OBI1: variants seen among roughly 807,000 people sequenced by gnomAD.
OBI1 encodes ring finger protein 219.
Under a neutral mutation model 62.4 loss-of-function variants are expected in OBI1, and 59 were observed. The ratio of observed to expected loss-of-function variants is 0.95; its 90% CI spans 0.77 to 1.17. The LOEUF (loss-of-function observed/expected upper bound fraction) is 1.17, where lower values mean the gene tolerates loss of function less well. Among genes scored for constraint, OBI1 ranks in the 50% most tolerant of loss-of-function variants. OBI1 has a pLI of 0.00. For missense variants in OBI1, 875 were observed against 830.9 expected (o/e 1.05, Z -0.65); for synonymous variants, 302 against 292.8 (o/e 1.03, Z -0.32).
intron 1 of OBI1, among the ~76,000 whole-genome samples, chr13:78,655,772 T>C (rs889719744): frequency 6.6e-6 from 1 of 152,136 alleles, no homozygotes; most frequent in Non-Finnish European, 1.5e-5. Context: ...AGAACAATTA[T>C]CTTTAAAAAA....
chr13:78,616,783 T>C lies in OBI1; in HGVS notation c.978A>G (p.Ala326=). Residue 326 remains alanine, a synonymous_variant, in exon 6 of 6, where the codon GCA becomes GCG. Transcript: ENST00000282003. The part of the protein sequence containing the change: ...SSSRLCDTSS[A]RQESTSKADL... ...CTGCTTTGCTGGTACTTTCCTGCCTTGCAGAACTGGTGTCACACAGTCTGC... is the reference window on the plus strand; with the variant it reads ...CTGCTTTGCTGGTACTTTCCTGCCTCGCAGAACTGGTGTCACACAGTCTGC... 1 of 1,614,240 alleles carries C rather than the reference T, an allele frequency of 6.2e-7. No individual in the cohort carries two copies. Among genetic ancestry groups the C allele is most frequent in the South Asian group, 1.1e-5 (1 of 91,084 alleles).
Position 78,638,939 on chromosome 13 carries a change from C to T in OBI1, c.433G>A (p.Val145Ile). 1 of 1,613,938 alleles carries T rather than the reference C, an allele frequency of 6.2e-7. No individual in the cohort carries two copies. Among genetic ancestry groups the T allele is most frequent in the Non-Finnish European group, 8.5e-7 (1 of 1,179,942 alleles). Residue 145 changes from valine to isoleucine, a missense_variant, in exon 4 of 6, where the codon GTC (valine) becomes ATC (isoleucine). By Grantham distance (29) the Val-to-Ile change is conservative. Coordinates refer to ENST00000282003, the MANE Select transcript of OBI1 (RefSeq NM_024546.4). ...TTAATTTTACTTGGATTATCTGTGA[C>T]TAGATGTTTGTCTTCATTTTGGTTG... ...QGNQNEDKHL[V>I]TDNPSKINPE...
chr13:78,638,115 G>A (rs1317725899), intron 4 of OBI1, among the ~76,000 whole-genome samples: 2 of 152,186 alleles, frequency 1.3e-5, no homozygotes, highest in Non-Finnish European at 2.9e-5. Flanking sequence ...TTGAACTCAA[G>A]CTAAAGGCTG....
At chr13:78,626,990 C>T (rs1354791976) in intron 5 of OBI1, among the ~76,000 whole-genome samples, 1 of 152,236 alleles carries the variant, frequency 6.6e-6, no homozygotes, top group Non-Finnish European at 1.5e-5. Flanking sequence ...AGCATGAACC[C>T]AGGGGGCGGA....
chr13:78,617,683 T>C (rs1001018937), intron 5 of OBI1, among the ~76,000 whole-genome samples: 6 of 152,202 alleles, frequency 3.9e-5, no homozygotes, highest in African/African-American at 1.2e-4. Context: ...CCACCCTTGA[T>C]CTGAAGCTTT....
At chr13:78,642,574 A>G (rs950055288) in intron 2 of OBI1, among the ~76,000 whole-genome samples, 8 of 152,240 alleles carry the variant, frequency 5.3e-5, no homozygotes, top group African/African-American at 1.9e-4. Flanking sequence ...TTTACATTTA[A>G]CCAAGAGATT....
chr13:78,637,229 TTGAG>T (rs1876057052), intron 4 of OBI1, among the ~76,000 whole-genome samples: 1 of 152,356 alleles, frequency 6.6e-6, no homozygotes, highest in Non-Finnish European at 1.5e-5. Context: ...TTTGATTATG[TTGAG>T]TATGTTATTA....
In OBI1 at chr13:78,632,286, C is replaced by T. The variant is rs944584098; in HGVS notation, c.638+2824G>A. 2.0e-5 allele frequency among the ~76,000 whole-genome samples: 3 copies of T among 152,082 alleles called. No homozygotes were observed. In the East Asian group the frequency reaches 5.8e-4, roughly 29 times the overall value. On this transcript the variant is annotated intron_variant, in intron 5 of 5. Transcript: ENST00000282003. ...CAGGAAGAGAACCCATATCACAACC[C>T]GACCCTGCCAAATTCTGATGTGGAA...
chr13:78,632,173 A>G (rs1875871667), intron 5 of OBI1, among the ~76,000 whole-genome samples: 1 of 152,100 alleles, frequency 6.6e-6, no homozygotes, highest in Admixed American at 6.6e-5. Context: ...TGAGGTCATT[A>G]GGTGTTCCTT....
chr13:78,616,993 C>G lies in OBI1; in HGVS notation c.768G>C (p.Gln256His), dbSNP rs754176940. ...CTTTCTCTTCACTTGAATTTTTTAGCTGTGCAACTTGAGATTCTAGTTCCT... is the reference window on the plus strand; with the variant it reads ...CTTTCTCTTCACTTGAATTTTTTAGGTGTGCAACTTGAGATTCTAGTTCCT... ...YIEELESQVA[Q>H]LKNSSEEKEA... Residue 256 changes from glutamine to histidine, a missense_variant, in exon 6 of 6, where the codon CAG (glutamine) becomes CAC (histidine). Physicochemically the swap from Gln to His is conservative, Grantham distance 24. Transcript: ENST00000282003. 2 of 1,614,156 alleles carry G rather than the reference C, an allele frequency of 1.2e-6. No homozygotes were observed. Among genetic ancestry groups the G allele is most frequent in the South Asian group, 2.2e-5 (2 of 91,088 alleles).
At chr13:78,638,793 C>T in intron 4 of OBI1, 30 bp downstream of exon 4, 1 of 1,574,136 alleles carries the variant, frequency 6.4e-7, no homozygotes, top group East Asian at 2.2e-5. Context: ...TAAAAACAAC[C>T]ATAATAGATT....
chr13:78,623,799 T>A (rs764400840), intron 5 of OBI1, among the ~76,000 whole-genome samples: 1 of 152,188 alleles, frequency 6.6e-6, no homozygotes, highest in Non-Finnish European at 1.5e-5. Flanking sequence ...GGAAGACATA[T>A]AGTATGTATG....
At position 78,635,204 on chromosome 13, in the gene OBI1, A is replaced by G; in HGVS notation, c.550-6T>C. On this transcript the variant is annotated splice_region_variant and splice_polypyrimidine_tract_variant and intron_variant, in intron 4 of 5. Transcript: ENST00000282003. The stretch of plus-strand genomic sequence containing the variant: ...AATTTCAATTTTTTATTTGCCTAAA[A>G]TAACAAATTGAAAATAAGTAAGCAA... The G allele has an allele frequency of 6.4e-7, 1 of 1,553,618 alleles. No homozygotes were observed. Among genetic ancestry groups the G allele is most frequent in the South Asian group, 1.1e-5 (1 of 87,452 alleles).
At chr13:78,634,572 C>T (rs1875963698) in intron 5 of OBI1, among the ~76,000 whole-genome samples, 1 of 152,162 alleles carries the variant, frequency 6.6e-6, no homozygotes, top group Non-Finnish European at 1.5e-5. Context: ...GCTGGGATTA[C>T]AAGCATGAGC....
rs965471267 is a variant in OBI1 at position 78,614,937 on chromosome 13, C to G, written c.*643G>C. 7 of 151,976 alleles carry G rather than the reference C, an allele frequency of 4.6e-5. No homozygotes were observed. The highest frequency in any genetic ancestry group is 1.7e-4 in the African/African-American group (7 of 41,370). 9.4% of individuals were successfully genotyped at this position (151,976 alleles called of 1,614,324 possible). A position where few individuals can be genotyped will look rare whatever the true frequency, so the allele number is the denominator to read the frequency against. On this transcript the variant is annotated 3_prime_UTR_variant, in exon 6 of 6. Coordinates refer to ENST00000282003, the MANE Select transcript of OBI1 (RefSeq NM_024546.4). ...AGCAGAACATTTTCACAAAACTGGA[C>G]AAAACACAATGCTAAAAAATGCAAA... is the stretch of plus-strand genomic sequence containing the variant.
chr13:78,615,975 G>A lies in OBI1; in HGVS notation c.1786C>T (p.Leu596=). Residue 596 remains leucine, a synonymous_variant, in exon 6 of 6, where the codon CTA becomes TTA. Transcript: ENST00000282003. ...CCATTTTCTAACTGATCATTAGTTA[G>A]AGAACCTTTGGAAAGGTTTAGCTCA... is the stretch of plus-strand genomic sequence containing the variant. ...KTELNLSKGS[L]TNDQLENGSE... The A allele has an allele frequency of 6.2e-7, 1 of 1,614,002 alleles. No individual in the cohort carries two copies. Among genetic ancestry groups the A allele is most frequent in the Non-Finnish European group, 8.5e-7 (1 of 1,179,996 alleles).
At chr13:78,624,795 C>T (rs954674382) in intron 5 of OBI1, among the ~76,000 whole-genome samples, 1 of 152,078 alleles carries the variant, frequency 6.6e-6, no homozygotes, top group African/African-American at 2.4e-5. Context: ...AAACTGTGTT[C>T]CATGCTGGCC....
intron 1 of OBI1, among the ~76,000 whole-genome samples, chr13:78,655,997 A>T (rs1405204752): frequency 1.3e-5 from 2 of 152,210 alleles, no homozygotes; most frequent in African/African-American, 4.8e-5. Flanking sequence ...GTACTGTGGC[A>T]ATTTCCAGAA....
At chr13:78,642,415 T>C (rs1876246860) in intron 2 of OBI1, among the ~76,000 whole-genome samples, 1 of 152,042 alleles carries the variant, frequency 6.6e-6, no homozygotes, top group Admixed American at 6.6e-5. Context: ...CCATAAGAAA[T>C]ACCTTCAGTA....
Sources: allele counts gnomAD v4.1 joint callset (sites outside exome capture counted in the v4.1 genomes callset), GRCh38; gene constraint gnomAD v4.1.1; transcripts MANE v1.5; gene names NCBI Gene and HGNC (gene_info 2026-07-23, HGNC 2026-07-21).